The following FNBP4 variants were observed in gnomAD, a reference collection of about 807,000 sequenced individuals.
FNBP4 encodes formin-binding protein 4.
In FNBP4, 34 loss-of-function variants were observed where a neutral mutation model predicts 119.3. The observed-to-expected ratio is 0.28, with a 90% CI of 0.22 to 0.38. FNBP4 has a LOEUF of 0.38. FNBP4 is among the 10% of genes least tolerant of loss of function. The probability of loss-of-function intolerance (pLI) is 1.00; values close to 1 mark genes in which losing one functional copy is unlikely to be tolerated. For missense variants in FNBP4, 1,112 were observed against 1,228.9 expected (o/e 0.90, Z 1.42); for synonymous variants, 462 against 430.6 (o/e 1.07, Z -0.90).
At chr11:47,722,950 T>A (rs1279346372) in intron 15 of FNBP4, 26 bp downstream of exon 15, 18 of 1,470,368 alleles carry the variant, frequency 1.2e-5, no homozygotes, top group African/African-American at 2.9e-5. Context: ...TAAAAATAAA[T>A]TTTTAAAAAG....
In FNBP4 at chr11:47,733,970, CA is replaced by C; in HGVS notation, c.1686+54del. 3 of 814,532 alleles carry C rather than the reference CA, an allele frequency of 3.7e-6. No individual in the cohort carries two copies. The East Asian group carries it at 8.1e-5, about 22-fold the overall frequency. 50.5% of individuals were successfully genotyped at this position (814,532 alleles called of 1,614,324 possible). A position where few individuals can be genotyped will look rare whatever the true frequency, so the allele number is the denominator to read the frequency against. Reference sequence around the variant, plus strand: ...AAGACAGAATCGTTAACACATACAGCATTTCATTCAAACACTTAACTGTTTA... The same window carrying C: ...AAGACAGAATCGTTAACACATACAGCTTTCATTCAAACACTTAACTGTTTA... On this transcript the variant is annotated intron_variant, in intron 10 of 16. Transcript: ENST00000263773.
chr11:47,739,686 G>C (rs1230828976), intron 8 of FNBP4, among the ~76,000 whole-genome samples: 1 of 152,124 alleles, frequency 6.6e-6, no homozygotes, highest in South Asian at 2.1e-4. Flanking sequence ...GCACTTTGGG[G>C]GAGCGAGGCA....
At chr11:47,750,705 AAAAAAAAAAAAAGAAAAAAG>A (rs2097601019) in intron 6 of FNBP4, among the ~76,000 whole-genome samples, 191 bp downstream of exon 6, 1 of 148,884 alleles carries the variant, frequency 6.7e-6, no homozygotes, top group Non-Finnish European at 1.5e-5. Flanking sequence ...AAAAAAAAAA[AAAAAAAAAAAAAGAAAAAAG>A]AAAAAAGAAA....
rs745953562 is a variant in FNBP4, at chr11:47,723,068, G to A, written c.2713C>T (p.Pro905Ser). The change falls in exon 15 of 17, where the codon CCA becomes TCA. Residue 905 changes from proline to serine, a missense_variant. Around this residue, in one of 2 missense-constraint regions of FNBP4, gnomAD observed 826 missense variants for 988.8 expected, o/e 0.84. Coordinates refer to ENST00000263773, the MANE Select transcript of FNBP4 (RefSeq NM_015308.5). ...GGAGGAGGAGGAGGTGGTGGTGGTG[G>A]TTCTATAATGGTAGCGGTAGGCACA... ...GAVPTATIIE[P>S]PPPPPPPPPP... The A allele has an allele frequency of 6.2e-7, 1 of 1,605,732 alleles. No homozygotes were observed. The highest frequency in any genetic ancestry group is 1.1e-5 in the South Asian group (1 of 89,998).
chr11:47,718,101 C>A lies in FNBP4; in HGVS notation c.2964-589G>T, dbSNP rs574195249. Among the ~76,000 whole-genome samples the A allele has an allele frequency of 3.2e-4, 48 of 151,874 alleles. 1 individual carries two copies. Among genetic ancestry groups the A allele is most frequent in the Admixed American group, 3.0e-3 (45 of 15,222 alleles). On this transcript the variant is annotated intron_variant, in intron 16 of 16. Transcript: ENST00000263773. ...ACCTCCAATAACCATTAAAGGCACA[C>A]TGAAGAAATGAAACACGTTCTATTA...
chr11:47,736,785 T>C lies in FNBP4; in HGVS notation c.1457-45A>G, dbSNP rs377413763. ...AATTAAACCAAAGTACCAATACTTATAGAACACTATATACCTTTTCCCCCA... is the reference window on the plus strand; with the variant it reads ...AATTAAACCAAAGTACCAATACTTACAGAACACTATATACCTTTTCCCCCA... On this transcript the variant is annotated intron_variant, in intron 8 of 16. Coordinates refer to ENST00000263773, the MANE Select transcript of FNBP4 (RefSeq NM_015308.5). 108 of 1,507,798 alleles carry C rather than the reference T, an allele frequency of 7.2e-5. No homozygotes were observed. In the African/African-American group the frequency reaches 1.0e-3, roughly 15 times the overall value. 93.4% of individuals were successfully genotyped at this position (1,507,798 alleles called of 1,614,324 possible).
At chr11:47,742,496 A>AG (rs1203063027) in intron 8 of FNBP4, among the ~76,000 whole-genome samples, 4 of 148,508 alleles carry the variant, frequency 2.7e-5, no homozygotes, top group Admixed American at 2.0e-4. Context: ...AAAAAAAAAA[A>AG]AAAAAAAAAG....
intron 1 of FNBP4, among the ~76,000 whole-genome samples, chr11:47,766,024 A>C (rs556477521): frequency 1.3e-5 from 2 of 151,458 alleles, no homozygotes; most frequent in Non-Finnish European, 2.9e-5. Flanking sequence ...TCAAGGGAAG[A>C]CTCTTACCAT....
In FNBP4 at chr11:47,752,935, A is replaced by T. The variant is rs776991854; in HGVS notation, c.618T>A (p.Thr206=). 7 of 1,613,406 alleles carry T rather than the reference A, an allele frequency of 4.3e-6. No individual in the cohort carries two copies. In the South Asian group the frequency reaches 7.7e-5, roughly 18 times the overall value. The change falls in exon 4 of 17, where the codon ACT becomes ACA. Residue 206 remains threonine (T), a synonymous_variant. Coordinates refer to ENST00000263773, the MANE Select transcript of FNBP4 (RefSeq NM_015308.5). ...GTTTACCTCCTGCCAGTGAACACTG[A>T]GTATCATATTGCCAACCAGATGTTT... The part of the protein sequence containing the change: ...STQTSGWQYD[T]QCSLAGVGIE...
At chr11:47,754,029 AC>A (rs1227968178) in intron 3 of FNBP4, among the ~76,000 whole-genome samples, 5 of 151,416 alleles carry the variant, frequency 3.3e-5, no homozygotes, top group Non-Finnish European at 7.4e-5. Context: ...ACATGGTGAA[AC>A]CCCGTCTCTA....
chr11:47,728,848 CTT>C (rs35490791), intron 12 of FNBP4, among the ~76,000 whole-genome samples: 4 of 113,574 alleles, frequency 3.5e-5, no homozygotes, highest in Admixed American at 2.0e-4. Flanking sequence ...CTGTAGGCGT[CTT>C]TTTTTTTTTT....
At chr11:47,717,835 G>A (rs1053644495) in intron 16 of FNBP4, among the ~76,000 whole-genome samples, 19 of 151,898 alleles carry the variant, frequency 1.3e-4, no homozygotes, top group Non-Finnish European at 2.5e-4. Flanking sequence ...CGCAACCTCC[G>A]CCTCCCAGGT....
At chr11:47,729,367 TCATCTTTAGAATCCACTC>T in intron 12 of FNBP4, 3 of 985,372 alleles carry the variant, frequency 3.0e-6, no homozygotes, top group Non-Finnish European at 3.6e-6. Flanking sequence ...TGAACCCAAC[TCATCTTTAGAATCCACTC>T]CATCTTTAAA....
chr11:47,741,151 G>A (rs901379773), intron 8 of FNBP4, among the ~76,000 whole-genome samples: 4 of 151,556 alleles, frequency 2.6e-5, no homozygotes, highest in Admixed American at 6.6e-5. Context: ...TTACAGGCGT[G>A]AGCCACCGTG....
chr11:47,763,492 GTGTTTTGTTT>G (rs66524823), intron 2 of FNBP4, among the ~76,000 whole-genome samples: 65 of 149,314 alleles, frequency 4.4e-4, no homozygotes, highest in African/African-American at 1.5e-3. Context: ...CAGAGCCATA[GTGTTTTGTTT>G]TGTTTTGTTT....
At chr11:47,734,161 A>G (rs766614857) in intron 9 of FNBP4, 32 bp from the exon 10 acceptor site, 1 of 1,227,450 alleles carries the variant, frequency 8.1e-7, no homozygotes. Flanking sequence ...AAGTAAAACT[A>G]GAATCCGTAA....
intron 7 of FNBP4, among the ~76,000 whole-genome samples, chr11:47,745,126 A>AAAT (rs2097587855): frequency 1.3e-5 from 2 of 152,204 alleles, no homozygotes; most frequent in Admixed American, 6.5e-5. Context: ...TTAACTGTAC[A>AAAT]AATTGATTGT....
chr11:47,745,473 G>A (rs2097588516), intron 7 of FNBP4, among the ~76,000 whole-genome samples: 2 of 152,006 alleles, frequency 1.3e-5, no homozygotes, highest in Admixed American at 6.6e-5. Context: ...GTACCCTCAG[G>A]CTTATTAGGG....
intron 2 of FNBP4, 23 bp downstream of exon 2, chr11:47,765,247 T>TA: frequency 1.9e-6 from 3 of 1,547,436 alleles, no homozygotes; most frequent in Non-Finnish European, 1.8e-6. Context: ...AGAAAAAATG[T>TA]AAAAAACAAA....
Sources: gnomAD v4.1 joint callset for allele counts (sites outside exome capture counted in the v4.1 genomes callset) on GRCh38, gnomAD v4.1.1 for gene constraint, gnomAD v4.1.1 regional missense constraint, MANE v1.5 for transcripts, NCBI Gene and HGNC (gene_info 2026-07-23, HGNC 2026-07-21) for gene names.